GDPD5: variants seen among roughly 807,000 people sequenced by gnomAD.
The protein encoded by GDPD5 is glycerophosphodiester phosphodiesterase domain containing 5.
In GDPD5, 48 loss-of-function variants were observed where a neutral mutation model predicts 75.1. That is an observed-to-expected ratio of 0.64 (90% CI 0.51 to 0.81). GDPD5 has a LOEUF of 0.81. Among genes scored for constraint, GDPD5 ranks in the 40% least tolerant of loss-of-function variants. The pLI is 0.00. For synonymous variants in GDPD5, 336 were observed against 339.0 expected (o/e 0.99, Z 0.10); for missense variants, 706 against 822.6 (o/e 0.86, Z 1.73).
At chr11:75,439,268 A>G (rs557930757) in intron 15 of GDPD5, 28 of 450,162 alleles carry the variant, frequency 6.2e-5, no homozygotes, top group Admixed American at 3.3e-4. Flanking sequence ...GGGTTTTTAG[A>G]CAGAACTGGA....
At chr11:75,447,628 G>A (rs1949019965) in intron 9 of GDPD5, among the ~76,000 whole-genome samples, 1 of 152,124 alleles carries the variant, frequency 6.6e-6, no homozygotes, top group Non-Finnish European at 1.5e-5. Context: ...TTCTACTAAA[G>A]AAAACCATCC....
At chr11:75,450,339 T>G in intron 6 of GDPD5, 1 of 314,352 alleles carries the variant, frequency 3.2e-6, no homozygotes, top group Non-Finnish European at 6.0e-6. Context: ...ACATCCAAGG[T>G]CCCGCCCAGC....
Position 75,457,799 on chromosome 11 carries a change from G to T in GDPD5, c.222-13C>A. 6.2e-7 allele frequency: 1 copy of T among 1,608,240 alleles called. No individual in the cohort carries two copies. The highest frequency in any genetic ancestry group is 8.5e-7 in the Non-Finnish European group (1 of 1,174,832). Reference sequence around the variant, plus strand: ...GTTGTAGAGGTACCTGCCAGGAGGAGAGGGGGCAGGGGTCAGACCTCCACC... The same window carrying T: ...GTTGTAGAGGTACCTGCCAGGAGGATAGGGGGCAGGGGTCAGACCTCCACC... On this transcript the variant is annotated splice_polypyrimidine_tract_variant and intron_variant, in intron 4 of 16. Transcript: ENST00000336898.
At chr11:75,496,756 CT>C (rs998616049) in intron 1 of GDPD5, among the ~76,000 whole-genome samples, 3 of 132,810 alleles carry the variant, frequency 2.3e-5, no homozygotes, top group African/African-American at 5.4e-5. Context: ...GACTATTTTT[CT>C]TTTTTTTTCT....
chr11:75,455,152 G>T, intron 6 of GDPD5: 1 of 354,132 alleles, frequency 2.8e-6, no homozygotes, highest in Non-Finnish European at 5.6e-6. Context: ...GCTCCAGCTG[G>T]CTCAGCGGCT....
chr11:75,473,631 C>T (rs962598996), intron 3 of GDPD5, among the ~76,000 whole-genome samples: 1 of 152,124 alleles, frequency 6.6e-6, no homozygotes, highest in Non-Finnish European at 1.5e-5. Flanking sequence ...CTCAGGCCCC[C>T]GCTGCCCAGG....
intron 3 of GDPD5, among the ~76,000 whole-genome samples, chr11:75,467,243 G>A (rs1315709750): frequency 6.6e-6 from 1 of 152,182 alleles, no homozygotes; most frequent in East Asian, 1.9e-4. Context: ...TCTCCTCGTT[G>A]TAAATGGGAA....
intron 1 of GDPD5, among the ~76,000 whole-genome samples, chr11:75,515,328 C>G (rs1256349834): frequency 6.6e-6 from 1 of 152,248 alleles, no homozygotes; most frequent in East Asian, 1.9e-4. Flanking sequence ...CTCTCCCTGA[C>G]CATGCCTCCT....
rs752632936 is a variant in GDPD5 at position 75,441,818 on chromosome 11, G to C, written c.1168-15C>G. On this transcript the variant is annotated splice_polypyrimidine_tract_variant and intron_variant, in intron 12 of 16. Transcript: ENST00000336898. ...AGCCACATGACCTGCAGGCAGAAGA[G>C]AGGCAGCCTCAGACTTCTCTTCTGC... 6.2e-6 allele frequency: 10 copies of C among 1,601,404 alleles called. No homozygotes were observed. The Admixed American group carries it at 1.2e-4, about 19-fold the overall frequency.
At chr11:75,483,017 G>A (rs937478060) in intron 2 of GDPD5, among the ~76,000 whole-genome samples, 3 of 152,258 alleles carry the variant, frequency 2.0e-5, no homozygotes, top group Middle Eastern at 3.4e-3. Flanking sequence ...CTCGGCCGCC[G>A]GGACGATCTC....
intron 1 of GDPD5, among the ~76,000 whole-genome samples, chr11:75,513,554 C>T (rs1037200362): frequency 1.3e-5 from 2 of 152,280 alleles, no homozygotes; most frequent in African/African-American, 4.8e-5. Flanking sequence ...GATATCAGAG[C>T]GCTTCGTAAA....
chr11:75,458,072 G>A (rs1025182119), intron 4 of GDPD5, among the ~76,000 whole-genome samples: 7 of 152,118 alleles, frequency 4.6e-5, no homozygotes, highest in South Asian at 2.1e-4. Context: ...GGGTTCCCCC[G>A]CCCCCATGCC....
intron 3 of GDPD5, among the ~76,000 whole-genome samples, chr11:75,463,116 G>A (rs1422978814): frequency 6.6e-6 from 1 of 152,180 alleles, no homozygotes; most frequent in Admixed American, 6.5e-5. Flanking sequence ...GGCAGTCAGG[G>A]CCTCCCCCCC....
In GDPD5 at chr11:75,489,423, C is replaced by G. The variant is rs964723324; in HGVS notation, c.-61+814G>C. On this transcript the variant is annotated intron_variant, in intron 2 of 16. Transcript: ENST00000336898. ...ACTTTTCCTCCCTTCCTTCAAATGT[C>G]GAGGTTTCACCTTGGTGACCAATGA... Among the ~76,000 whole-genome samples the G allele has an allele frequency of 3.3e-5, 5 of 152,202 alleles. 1 individual carries two copies. The highest frequency in any genetic ancestry group is 3.3e-4 in the Admixed American group (5 of 15,278).
At chr11:75,523,830 C>A (rs954632434) in intron 1 of GDPD5, among the ~76,000 whole-genome samples, 3 of 152,258 alleles carry the variant, frequency 2.0e-5, no homozygotes, top group Non-Finnish European at 4.4e-5. Flanking sequence ...CTTCCACCCC[C>A]AGGGATTGAG....
At position 75,484,243 on chromosome 11, in the gene GDPD5, T is replaced by C. The variant is rs554111199; in HGVS notation, c.-61+5994A>G. On this transcript the variant is annotated intron_variant, in intron 2 of 16. Coordinates refer to ENST00000336898, the MANE Select transcript of GDPD5 (RefSeq NM_030792.8). ...AATGTCCTGGAATTAGTGGTGATGG[T>C]TGCGAACTTTATCTCGATAAAACTT... Among the ~76,000 whole-genome samples, 131 of 152,294 alleles carry C rather than the reference T, an allele frequency of 8.6e-4. 1 individual carries two copies. The highest frequency in any genetic ancestry group is 7.0e-3 in the South Asian group (34 of 4,828).
chr11:75,458,320 G>A (rs1265132581), intron 4 of GDPD5, among the ~76,000 whole-genome samples: 1 of 152,202 alleles, frequency 6.6e-6, no homozygotes, highest in Admixed American at 6.5e-5. Flanking sequence ...AGAATTGATC[G>A]AATGTAATAC....
At chr11:75,510,097 G>A (rs1469678036) in intron 1 of GDPD5, among the ~76,000 whole-genome samples, 1 of 152,252 alleles carries the variant, frequency 6.6e-6, no homozygotes, top group East Asian at 1.9e-4. Flanking sequence ...TGGGCTCAGG[G>A]GGCCAACTGC....
At chr11:75,522,141 C>G (rs1228871192) in intron 1 of GDPD5, among the ~76,000 whole-genome samples, 6 of 152,232 alleles carry the variant, frequency 3.9e-5, no homozygotes, top group Non-Finnish European at 1.5e-5. Context: ...CCCACTAGCT[C>G]ACACTCATGA....
Sources: gnomAD v4.1 joint callset for allele counts (sites outside exome capture counted in the v4.1 genomes callset) on GRCh38, gnomAD v4.1.1 for gene constraint, MANE v1.5 for transcripts, NCBI Gene and HGNC (gene_info 2026-07-23, HGNC 2026-07-21) for gene names.